The following C12orf42 variants were observed in gnomAD, a reference collection of about 807,000 sequenced individuals.
C12orf42 encodes the protein uncharacterized protein C12orf42.
In C12orf42, 25 loss-of-function variants were observed where a neutral mutation model predicts 21.6. That is an observed-to-expected ratio of 1.16 (90% CI 0.84 to 1.62). The LOEUF is 1.62. Ranked by LOEUF, C12orf42 falls within the 40% of genes most tolerant of loss-of-function variation. The probability of loss-of-function intolerance (pLI) is 0.00; values close to 1 mark genes in which losing one functional copy is unlikely to be tolerated. For missense variants in C12orf42, 483 were observed against 459.3 expected (o/e 1.05, Z -0.47); for synonymous variants, 174 against 175.0 (o/e 0.99, Z 0.05).
chr12:103,250,874 C>CTGTG (rs3063697), intron 10 of C12orf42, among the ~76,000 whole-genome samples: 4 of 149,418 alleles, frequency 2.7e-5, no homozygotes, highest in African/African-American at 7.4e-5. Flanking sequence ...TCTTTTATCA[C>CTGTG]TGTGTGTGTG....
At chr12:103,106,475 A>T in the C12orf42 span, among the ~76,000 whole-genome samples, 133 of 152,180 alleles carry the variant, frequency 8.7e-4, no homozygotes, top group African/African-American at 3.2e-3. Context: ...GGGTTTGTTT[A>T]AAAAAATATG....
chr12:103,197,874 G>C, the C12orf42 span, among the ~76,000 whole-genome samples: 519 of 152,284 alleles, frequency 3.4e-3, 1 homozygote, highest in African/African-American at 0.012. Context: ...TAATTGTAGG[G>C]GGCTGGGACC....
At chr12:103,390,898 G>C (rs1309024990) in intron 3 of C12orf42, among the ~76,000 whole-genome samples, 4 of 152,148 alleles carry the variant, frequency 2.6e-5, no homozygotes, top group Non-Finnish European at 4.4e-5. Context: ...TTTTTATTCA[G>C]TCTGCTGAGC....
chr12:103,324,847 T>C (rs1415579416), intron 4 of C12orf42, among the ~76,000 whole-genome samples: 1 of 152,226 alleles, frequency 6.6e-6, no homozygotes, highest in African/African-American at 2.4e-5. Flanking sequence ...CCTGTTTCCC[T>C]TGCTCATTCC....
the C12orf42 span, among the ~76,000 whole-genome samples, chr12:103,546,478 G>A: frequency 6.6e-6 from 1 of 152,132 alleles, no homozygotes; most frequent in East Asian, 1.9e-4. Context: ...TTAGATGACA[G>A]GTTGAACAAA....
chr12:103,451,951 C>T (rs1394688775), intron 2 of C12orf42, among the ~76,000 whole-genome samples: 1 of 151,980 alleles, frequency 6.6e-6, no homozygotes, highest in East Asian at 1.9e-4. Context: ...CATCAGGTGA[C>T]TATGGCTATG....
chr12:103,332,260 T>C (rs2041301574), intron 4 of C12orf42, among the ~76,000 whole-genome samples: 1 of 152,194 alleles, frequency 6.6e-6, no homozygotes, highest in Non-Finnish European at 1.5e-5. Flanking sequence ...ACTGAAGCTT[T>C]CTTTTAAAGT....
the C12orf42 span, among the ~76,000 whole-genome samples, chr12:103,056,351 C>T: frequency 3.3e-5 from 5 of 152,030 alleles, no homozygotes; most frequent in Non-Finnish European, 7.4e-5. Context: ...CCTAGAGGTG[C>T]CATTTCTCTC....
the C12orf42 span, among the ~76,000 whole-genome samples, chr12:103,188,949 T>C: frequency 2.8e-4 from 43 of 152,360 alleles, no homozygotes; most frequent in African/African-American, 7.9e-4. Context: ...AGCTGCTTCA[T>C]GGAAAACAAC....
chr12:103,470,371 A>G (rs1247750724), intron 2 of C12orf42, among the ~76,000 whole-genome samples: 1 of 152,194 alleles, frequency 6.6e-6, no homozygotes, highest in African/African-American at 2.4e-5. Flanking sequence ...CATTCCGAAG[A>G]TATCTCAAGA....
At chr12:103,391,724 T>C (rs2047095642) in intron 3 of C12orf42, among the ~76,000 whole-genome samples, 1 of 151,412 alleles carries the variant, frequency 6.6e-6, no homozygotes, top group African/African-American at 2.4e-5. Flanking sequence ...ATGATGTGTG[T>C]GTGTGTATAT....
At chr12:103,166,038 T>G in the C12orf42 span, among the ~76,000 whole-genome samples, 1 of 114,284 alleles carries the variant, frequency 8.8e-6, no homozygotes, top group Non-Finnish European at 2.0e-5. Context: ...AGACTCCGTC[T>G]CAAAAAAAAA....
the C12orf42 span, among the ~76,000 whole-genome samples, chr12:103,561,167 A>G: frequency 1.3e-5 from 2 of 152,228 alleles, no homozygotes; most frequent in South Asian, 2.1e-4. Flanking sequence ...GGGTCTTCAC[A>G]CTGTGCTCCA....
At chr12:103,512,498 AC>A in the C12orf42 span, among the ~76,000 whole-genome samples, 2 of 152,232 alleles carry the variant, frequency 1.3e-5, no homozygotes, top group African/African-American at 4.8e-5. Context: ...AATGATATCT[AC>A]TCAATGTGAT....
the C12orf42 span, among the ~76,000 whole-genome samples, chr12:103,103,349 G>A: frequency 6.6e-6 from 1 of 152,156 alleles, no homozygotes; most frequent in African/African-American, 2.4e-5. Context: ...TCCCTTCCTA[G>A]ATCCCTACTG....
chr12:103,216,044 G>C, the C12orf42 span, among the ~76,000 whole-genome samples: 1 of 152,186 alleles, frequency 6.6e-6, no homozygotes, highest in African/African-American at 2.4e-5. Context: ...CGAAGGGAGA[G>C]TTCTCCCAGT....
At chr12:103,186,918 A>G in the C12orf42 span, among the ~76,000 whole-genome samples, 9 of 152,184 alleles carry the variant, frequency 5.9e-5, no homozygotes, top group Non-Finnish European at 1.2e-4. Flanking sequence ...TTTCCACCTT[A>G]CTTTGATGGT....
intron 4 of C12orf42, among the ~76,000 whole-genome samples, chr12:103,287,529 G>A (rs918276053): frequency 4.0e-5 from 6 of 151,898 alleles, no homozygotes; most frequent in African/African-American, 1.2e-4. Context: ...CACAGGAAGG[G>A]GAACATCACA....
At chr12:103,133,716 T>C in the C12orf42 span, among the ~76,000 whole-genome samples, 27 of 152,270 alleles carry the variant, frequency 1.8e-4, no homozygotes, top group East Asian at 4.6e-3. Context: ...CCCATCCAAA[T>C]CCCATCTTGA....
Sources: allele counts gnomAD v4.1 joint callset (sites outside exome capture counted in the v4.1 genomes callset), GRCh38; gene constraint gnomAD v4.1.1; transcripts MANE v1.5; gene names NCBI Gene and HGNC (gene_info 2026-07-23, HGNC 2026-07-21).